Variants in CCDC63 observed in about 807,000 individuals in gnomAD.
The protein encoded by CCDC63 is coiled-coil domain containing 63.
Under a neutral mutation model 63.6 loss-of-function variants are expected in CCDC63, and 54 were observed. The observed-to-expected ratio is 0.85, with a 90% confidence interval of 0.68 to 1.07. CCDC63 has a LOEUF of 1.07. Ranked by LOEUF, CCDC63 falls within the 50% of genes least tolerant of loss-of-function variation. The pLI, the probability that CCDC63 is intolerant of heterozygous loss-of-function variation, is 0.00. For missense variants in CCDC63, 637 were observed against 689.6 expected, an observed-to-expected ratio of 0.92 and a Z score of 0.86; for synonymous variants, 253 against 266.1, an observed-to-expected ratio of 0.95 and a Z score of 0.48.
intron 1 of CCDC63, among the ~76,000 whole-genome samples, chr12:110,850,571 G>A (rs529537146): frequency 4.2e-4 from 64 of 152,186 alleles, no homozygotes; most frequent in East Asian, 9.7e-4. Flanking sequence ...GTGAAACCCC[G>A]TCTCTACTAA....
chr12:110,883,342 T>A (rs959815189), intron 7 of CCDC63, among the ~76,000 whole-genome samples: 12 of 152,080 alleles, frequency 7.9e-5, no homozygotes, highest in African/African-American at 2.9e-4. Flanking sequence ...GGCCTAATTT[T>A]AAAAATTTTT....
Position 110,873,829 on chromosome 12 carries a change from C to T in CCDC63, c.370-13C>T. On this transcript the variant is annotated splice_polypyrimidine_tract_variant and intron_variant, in intron 4 of 11. Transcript: ENST00000308208. Reference sequence around the variant, plus strand: ...TAACACAGCTGGAATTTCTCTCTCTCTCTCTTTTTCAGATTCTTCAGATGG... The same window carrying T: ...TAACACAGCTGGAATTTCTCTCTCTTTCTCTTTTTCAGATTCTTCAGATGG... 1.2e-6 allele frequency: 2 copies of T among 1,611,896 alleles called. No individual in the cohort carries two copies. Among genetic ancestry groups the T allele is most frequent in the Non-Finnish European group, 1.7e-6 (2 of 1,179,482 alleles).
chr12:110,883,748 TC>T (rs2071239802), intron 7 of CCDC63, among the ~76,000 whole-genome samples: 1 of 152,184 alleles, frequency 6.6e-6, no homozygotes, highest in African/African-American at 2.4e-5. Context: ...CAAGCAATTC[TC>T]CTGGCTTAGC....
intron 1 of CCDC63, among the ~76,000 whole-genome samples, 182 bp from the exon 2 acceptor site, chr12:110,852,677 A>C (rs552829238): frequency 6.6e-6 from 1 of 152,290 alleles, no homozygotes; most frequent in African/African-American, 2.4e-5. Context: ...GTTCCAGGCA[A>C]ACATTGCTTT....
At chr12:110,904,337 T>TC (rs2071529515) in intron 10 of CCDC63, among the ~76,000 whole-genome samples, 1 of 118,404 alleles carries the variant, frequency 8.4e-6, no homozygotes, top group Admixed American at 9.1e-5. Flanking sequence ...CCAGACCTTG[T>TC]CAAAAAAAAA....
rs149786247 is a variant in CCDC63, at chr12:110,860,187, C to T, written c.369+1412C>T. ...TGGAACTTGGAGAGCCTGGGGCAAG[C>T]CAGGGGCAATGGCTCCCCTTTCTTC... On this transcript the variant is annotated intron_variant, in intron 4 of 11. Transcript: ENST00000308208. 5.2e-3 allele frequency among the ~76,000 whole-genome samples: 789 copies of T among 152,330 alleles called. 5 individuals are homozygous for T. Among genetic ancestry groups the T allele is most frequent in the South Asian group, 0.025 (120 of 4,826 alleles).
intron 8 of CCDC63, among the ~76,000 whole-genome samples, chr12:110,886,593 G>C (rs1248654374): frequency 6.6e-6 from 1 of 152,146 alleles, no homozygotes; most frequent in African/African-American, 2.4e-5. Flanking sequence ...TCCTGGAGGG[G>C]TGCAGCCAAA....
At chr12:110,878,514 C>T (rs945920621) in intron 5 of CCDC63, among the ~76,000 whole-genome samples, 15 of 152,156 alleles carry the variant, frequency 9.9e-5, no homozygotes, top group Admixed American at 9.8e-4. Context: ...GGGGTTTCAC[C>T]ATGTTGGCCA....
At chr12:110,850,327 C>G (rs2070690370) in intron 1 of CCDC63, among the ~76,000 whole-genome samples, 1 of 152,248 alleles carries the variant, frequency 6.6e-6, no homozygotes, top group African/African-American at 2.4e-5. Context: ...CTGAGAGGAG[C>G]AGGGAGGCGA....
intron 11 of CCDC63, among the ~76,000 whole-genome samples, chr12:110,906,171 T>C (rs914522804): frequency 2.3e-5 from 3 of 132,392 alleles, no homozygotes; most frequent in Non-Finnish European, 4.6e-5. Context: ...AAAGTGACGG[T>C]GCTGCTGTCA....
At chr12:110,858,999 C>T (rs146021577) in intron 4 of CCDC63, among the ~76,000 whole-genome samples, 92 of 152,308 alleles carry the variant, frequency 6.0e-4, no homozygotes, top group African/African-American at 1.7e-3. Flanking sequence ...CCGTGCTCCC[C>T]AGTGCCACCT....
At chr12:110,845,085 G>A (rs887901161), upstream of CCDC63, among the ~76,000 whole-genome samples, 1 of 152,132 alleles carries the variant, frequency 6.6e-6, no homozygotes, top group Admixed American at 6.6e-5. Context: ...TAGCAGAATC[G>A]ATTCTGACAT....
At chr12:110,860,822 C>T (rs1415439796) in intron 4 of CCDC63, among the ~76,000 whole-genome samples, 1 of 152,192 alleles carries the variant, frequency 6.6e-6, no homozygotes, top group Non-Finnish European at 1.5e-5. Context: ...CTCCTGACCT[C>T]AGGTGATCCA....
At chr12:110,891,634 CA>C (rs1167265918) in intron 8 of CCDC63, among the ~76,000 whole-genome samples, 988 of 65,532 alleles carry the variant, frequency 0.015, 8 homozygotes, top group Middle Eastern at 0.033. Flanking sequence ...GACCCTTTCT[CA>C]AAAAAAAAAA....
chr12:110,874,144 G>A (rs1356737873), intron 5 of CCDC63, among the ~76,000 whole-genome samples, 183 bp downstream of exon 5: 1 of 151,562 alleles, frequency 6.6e-6, no homozygotes, highest in South Asian at 2.1e-4. Context: ...TAGCAAATGC[G>A]GTTATCCCCT....
At chr12:110,873,369 T>G (rs2071090408) in intron 4 of CCDC63, among the ~76,000 whole-genome samples, 1 of 152,240 alleles carries the variant, frequency 6.6e-6, no homozygotes, top group African/African-American at 2.4e-5. Context: ...TCTCACATGT[T>G]GCAGGGTATG....
intron 4 of CCDC63, among the ~76,000 whole-genome samples, chr12:110,862,471 C>T (rs2070868363): frequency 1.3e-5 from 2 of 152,238 alleles, no homozygotes; most frequent in South Asian, 4.1e-4. Context: ...CCAGCCGTTG[C>T]CTTGGAGAAT....
At chr12:110,868,613 C>T (rs958664773) in intron 4 of CCDC63, among the ~76,000 whole-genome samples, 4 of 151,428 alleles carry the variant, frequency 2.6e-5, no homozygotes, top group East Asian at 2.0e-4. Flanking sequence ...CGCAGGCATT[C>T]GGCAGACTGA....
Position 110,904,582 on chromosome 12 carries a change from C to A in CCDC63, c.1343-6C>A. ...AGCCATCTTGGTCCTGCTTCTTGTT[C>A]TCCAGCCATCATTGAAAAGAAGACC... On this transcript the variant is annotated splice_polypyrimidine_tract_variant and splice_region_variant and intron_variant, in intron 10 of 11. Transcript: ENST00000308208. 1 of 1,613,940 alleles carries A rather than the reference C, an allele frequency of 6.2e-7. No homozygotes were observed. Among genetic ancestry groups the A allele is most frequent in the South Asian group, 1.1e-5 (1 of 91,040 alleles).
Sources: gnomAD v4.1 joint callset for allele counts (sites outside exome capture counted in the v4.1 genomes callset) on GRCh38, gnomAD v4.1.1 for gene constraint, MANE v1.5 for transcripts, NCBI Gene and HGNC (gene_info 2026-07-23, HGNC 2026-07-21) for gene names.